FAM177A1: variants seen among roughly 807,000 people sequenced by gnomAD.
FAM177A1 encodes the protein family with sequence similarity 177 member A1, also known as protein FAM177A1.
In FAM177A1, 22 loss-of-function variants were observed where a neutral mutation model predicts 26.1. The ratio of observed to expected loss-of-function variants is 0.84; its 90% CI spans 0.60 to 1.20. FAM177A1 has a LOEUF of 1.20. Among genes scored for constraint, FAM177A1 ranks in the 50% most tolerant of loss-of-function variants. The pLI is 0.00. For synonymous variants in FAM177A1, 95 were observed against 99.3 expected (o/e 0.96, Z 0.26); for missense variants, 296 against 291.1 (o/e 1.02, Z -0.12).
rs575153303 is a variant in FAM177A1, at chr14:35,083,322, A to G, written c.*2094A>G. The G allele has an allele frequency of 6.5e-6, 1 of 152,776 alleles. No homozygotes were observed. The highest frequency in any genetic ancestry group is 2.1e-4 in the South Asian group (1 of 4,834). The allele number at this position is 152,776 out of a possible 1,614,324, so 9.5% of individuals were successfully genotyped here. The stretch of plus-strand genomic sequence containing the variant: ...TTTATGTTTATCAATATAGTTATTC[A>G]CTGTGCCTTAAGTTTATACTTTGTT... On this transcript the variant is annotated 3_prime_UTR_variant, in exon 5 of 5. Coordinates refer to ENST00000280987, the MANE Select transcript of FAM177A1 (RefSeq NM_173607.5).
chr14:35,046,988 C>T (rs924018158), intron 1 of FAM177A1: 2 of 1,050,102 alleles, frequency 1.9e-6, no homozygotes, highest in South Asian at 7.6e-5. Context: ...TCAGTCTCTT[C>T]TGGTGCGAGC....
chr14:35,057,389 C>CTT (rs35602346), intron 2 of FAM177A1, among the ~76,000 whole-genome samples: 1 of 147,116 alleles, frequency 6.8e-6, no homozygotes, highest in African/African-American at 2.5e-5. Flanking sequence ...GTTATACCTT[C>CTT]TTTTTTTTTT....
intron 1 of FAM177A1, 75 bp from the exon 2 acceptor site, chr14:35,053,203 C>T: frequency 7.2e-7 from 1 of 1,387,638 alleles, no homozygotes; most frequent in Non-Finnish European, 9.9e-7. Context: ...ATAAACCTAC[C>T]AAAAGTTTTT....
intron 2 of FAM177A1, among the ~76,000 whole-genome samples, chr14:35,076,460 G>C (rs569136574): frequency 2.4e-4 from 37 of 152,004 alleles, no homozygotes; most frequent in African/African-American, 8.9e-4. Context: ...GGGGAGCGGG[G>C]AGGGATAGCA....
chr14:35,076,335 T>C (rs1340455479), intron 2 of FAM177A1, among the ~76,000 whole-genome samples: 1 of 151,938 alleles, frequency 6.6e-6, no homozygotes, highest in East Asian at 1.9e-4. Flanking sequence ...AGGAAACTAT[T>C]GCAAGGACAG....
At chr14:35,064,479 C>A (rs1216176149) in intron 2 of FAM177A1, among the ~76,000 whole-genome samples, 7 of 152,064 alleles carry the variant, frequency 4.6e-5, no homozygotes, top group African/African-American at 1.7e-4. Flanking sequence ...ATAACTCAGC[C>A]TGAAGCTGAG....
intron 2 of FAM177A1, among the ~76,000 whole-genome samples, chr14:35,055,594 C>G (rs141690972): frequency 6.6e-6 from 1 of 151,928 alleles, no homozygotes; most frequent in Non-Finnish European, 1.5e-5. Context: ...CCTCCACGCC[C>G]GGCTAATTTT....
At chr14:35,059,207 G>A (rs2045111177) in intron 2 of FAM177A1, among the ~76,000 whole-genome samples, 1 of 152,096 alleles carries the variant, frequency 6.6e-6, no homozygotes, top group African/African-American at 2.4e-5. Flanking sequence ...TTATAGGTGT[G>A]AGCCACCACG....
intron 2 of FAM177A1, among the ~76,000 whole-genome samples, chr14:35,066,815 A>G (rs1052486510): frequency 1.4e-5 from 2 of 147,612 alleles, no homozygotes; most frequent in East Asian, 2.0e-4. Flanking sequence ...TTTTTTTTTG[A>G]GACGGAGTTT....
At position 35,051,182 on chromosome 14, in the gene FAM177A1, C is replaced by T. The variant is rs183067092; in HGVS notation, c.166-2096C>T. 3.0e-3 allele frequency among the ~76,000 whole-genome samples: 458 copies of T among 152,268 alleles called. 3 individuals are homozygous for T. Among genetic ancestry groups the T allele is most frequent in the African/African-American group, 0.011 (449 of 41,554 alleles). ...TGACCCAGACTGGAGTGCAGTGGCA[C>T]GATCTCAGCTCACTGCAACCGCCAC... On this transcript the variant is annotated intron_variant, in intron 1 of 4. Coordinates refer to ENST00000280987, the MANE Select transcript of FAM177A1 (RefSeq NM_173607.5).
intron 2 of FAM177A1, among the ~76,000 whole-genome samples, chr14:35,062,214 AT>A (rs2045170664): frequency 6.6e-6 from 1 of 152,194 alleles, no homozygotes; most frequent in African/African-American, 2.4e-5. Flanking sequence ...TTTATATGCC[AT>A]TAAGACCATT....
At chr14:35,073,245 A>G (rs530920276) in intron 2 of FAM177A1, among the ~76,000 whole-genome samples, 1 of 151,990 alleles carries the variant, frequency 6.6e-6, no homozygotes, top group Admixed American at 6.6e-5. Flanking sequence ...AATATTTTGT[A>G]TTTTAGTAAA....
At chr14:35,072,593 T>C (rs79036977) in intron 2 of FAM177A1, among the ~76,000 whole-genome samples, 1 of 152,224 alleles carries the variant, frequency 6.6e-6, no homozygotes, top group Non-Finnish European at 1.5e-5. Context: ...CACCATTTGC[T>C]TTAGTTTCAT....
chr14:35,057,338 G>C lies in FAM177A1; in HGVS notation c.339+3887G>C, dbSNP rs541294976. On this transcript the variant is annotated intron_variant, in intron 2 of 4. Coordinates refer to ENST00000280987, the MANE Select transcript of FAM177A1 (RefSeq NM_173607.5). ...AGCCTCACAAGTAGTAGGGTTTACA[G>C]ATGTGCACCACCATGCCCAGCTTCC... 3.9e-5 allele frequency among the ~76,000 whole-genome samples: 6 copies of C among 152,072 alleles called. No individual in the cohort carries two copies. In the East Asian group the frequency reaches 7.7e-4, roughly 20 times the overall value.
intron 2 of FAM177A1, among the ~76,000 whole-genome samples, chr14:35,058,051 C>T (rs2143948): frequency 0.16 from 24,178 of 151,658 alleles, 2,095 homozygotes; most frequent in Middle Eastern, 0.22. Context: ...TGTTGTCCTA[C>T]TTTTTATTAT....
upstream of FAM177A1, among the ~76,000 whole-genome samples, chr14:35,045,359 G>A (rs1479172657): frequency 1.3e-5 from 2 of 152,158 alleles, no homozygotes; most frequent in Non-Finnish European, 2.9e-5. Flanking sequence ...ACATAGAATA[G>A]GAAGTGTACA....
At position 35,082,148 on chromosome 14, in the gene FAM177A1, TG is replaced by T. The variant is rs2045493837; in HGVS notation, c.*922del. ...ACTGGACAGTTTACTTGAATCTGGT[TG>T]GCCACTCCTCTACCTACTTGGTTAT... On this transcript the variant is annotated 3_prime_UTR_variant, in exon 5 of 5. Transcript: ENST00000280987. 1 of 152,238 alleles carries T rather than the reference TG, an allele frequency of 6.6e-6. No individual in the cohort carries two copies. The highest frequency in any genetic ancestry group is 2.4e-5 in the African/African-American group (1 of 41,460). 9.4% of individuals were successfully genotyped at this position (152,238 alleles called of 1,614,324 possible).
intron 4 of FAM177A1, 141 bp downstream of exon 4, chr14:35,079,165 C>A (rs2045442127): frequency 1.7e-6 from 1 of 606,028 alleles, no homozygotes; most frequent in Non-Finnish European, 2.8e-6. Context: ...TCATTAATTT[C>A]TTTTATCAAA....
intron 1 of FAM177A1, among the ~76,000 whole-genome samples, chr14:35,051,996 CTT>C: frequency 6.6e-6 from 1 of 152,262 alleles, no homozygotes; most frequent in East Asian, 1.9e-4. Flanking sequence ...CCACAAGAAT[CTT>C]TATAGAGAAC....
Sources: allele counts gnomAD v4.1 joint callset (sites outside exome capture counted in the v4.1 genomes callset), GRCh38; gene constraint gnomAD v4.1.1; transcripts MANE v1.5; gene names NCBI Gene and HGNC (gene_info 2026-07-23, HGNC 2026-07-21).